The following STK4 variants were observed in gnomAD, a reference collection of about 807,000 sequenced individuals.
The protein encoded by STK4 is serine/threonine kinase 4.
STK4 carries 30 observed loss-of-function variants against 64.9 expected under a neutral mutation model. The observed-to-expected ratio is 0.46, with a 90% CI of 0.35 to 0.63. STK4 has a LOEUF of 0.63. Ranked by LOEUF, STK4 falls within the 20% of genes least tolerant of loss-of-function variation. STK4 has a pLI of 0.01. For synonymous variants in STK4, 177 were observed against 199.0 expected (o/e 0.89, Z 0.93); for missense variants, 466 against 598.5 (o/e 0.78, Z 2.31).
At chr20:45,064,880 A>T (rs1218467940) in intron 10 of STK4, among the ~76,000 whole-genome samples, 5 of 152,142 alleles carry the variant, frequency 3.3e-5, no homozygotes, top group Non-Finnish European at 5.9e-5. Context: ...CTATGTATAG[A>T]ATTATATTGT....
chr20:44,980,039 A>G (rs1449715541), intron 3 of STK4, among the ~76,000 whole-genome samples: 2 of 152,220 alleles, frequency 1.3e-5, no homozygotes, highest in Non-Finnish European at 2.9e-5. Context: ...TAAGGAATAC[A>G]GTGAAATACA....
chr20:45,017,214 C>T (rs1249763212), intron 9 of STK4, among the ~76,000 whole-genome samples: 3 of 152,144 alleles, frequency 2.0e-5, no homozygotes, highest in African/African-American at 7.2e-5. Context: ...GGGAAGATGA[C>T]ATTTGTCATT....
Position 44,966,619 on chromosome 20 carries a change from C to T in STK4, c.35+16C>T. On this transcript the variant is annotated intron_variant, in intron 1 of 10. Transcript: ENST00000372806. ...CGCCGCGCCGGTGAGGGGCCACTGGCTAAGAGGACGGGCATGGGGTCAGGG... is the reference window on the plus strand; with the variant it reads ...CGCCGCGCCGGTGAGGGGCCACTGGTTAAGAGGACGGGCATGGGGTCAGGG... 1 of 1,273,578 alleles carries T rather than the reference C, an allele frequency of 7.9e-7. No individual in the cohort carries two copies. The highest frequency in any genetic ancestry group is 1.0e-6 in the Non-Finnish European group (1 of 1,001,402). The allele number at this position is 1,273,578 out of a possible 1,614,324, so 78.9% of individuals were successfully genotyped here.
intron 5 of STK4, among the ~76,000 whole-genome samples, chr20:44,988,570 TATCC>T (rs2067578841): frequency 6.9e-6 from 1 of 145,240 alleles, no homozygotes; most frequent in African/African-American, 2.6e-5. Context: ...TATATATATG[TATCC>T]ATTCCATTTA....
chr20:45,020,743 G>C (rs953672474), intron 9 of STK4, among the ~76,000 whole-genome samples: 1 of 151,812 alleles, frequency 6.6e-6, no homozygotes, highest in African/African-American at 2.4e-5. Context: ...GTTGACTTGG[G>C]CCTCTCCACG....
chr20:45,033,119 G>A (rs1005208297), intron 10 of STK4, among the ~76,000 whole-genome samples: 1 of 151,978 alleles, frequency 6.6e-6, no homozygotes, highest in Admixed American at 6.6e-5. Flanking sequence ...TAATGAGGTC[G>A]TTTGCTTTTT....
In STK4 at chr20:45,062,843, ATTTTTTT is replaced by A. The variant is rs35335969; in HGVS notation, c.1306-12161_1306-12155del. Among the ~76,000 whole-genome samples the A allele has an allele frequency of 6.2e-4, 66 of 106,328 alleles. 1 individual carries two copies. Among genetic ancestry groups the A allele is most frequent in the Admixed American group, 5.4e-3 (55 of 10,220 alleles). 69.8% of individuals were successfully genotyped at this position (106,328 alleles called of 152,430 possible). ...CAGGCGCCCACCACCACGCCCGGCTATTTTTTTTTTTTTTTTTTTTGTATTTTTAGTA... is the reference window on the plus strand; with the variant it reads ...CAGGCGCCCACCACCACGCCCGGCTATTTTTTTTTTTTTGTATTTTTAGTA... On this transcript the variant is annotated intron_variant, in intron 10 of 10. Coordinates refer to ENST00000372806, the MANE Select transcript of STK4 (RefSeq NM_006282.5).
At chr20:45,032,458 GT>G (rs1244521427) in intron 10 of STK4, among the ~76,000 whole-genome samples, 1 of 152,050 alleles carries the variant, frequency 6.6e-6, no homozygotes, top group Non-Finnish European at 1.5e-5. Context: ...GATTTCTATT[GT>G]TCTGTTCTTT....
rs2068211307 is a variant in STK4 at position 45,019,828 on chromosome 20, G to C, written c.1148-5145G>C. Among the ~76,000 whole-genome samples, 3 of 152,104 alleles carry C rather than the reference G, an allele frequency of 2.0e-5. No individual in the cohort carries two copies. The South Asian group carries it at 6.2e-4, about 32-fold the overall frequency. On this transcript the variant is annotated intron_variant, in intron 9 of 10. Transcript: ENST00000372806. Reference sequence around the variant, plus strand: ...ACCCACAAGCTAGCTGAAGCCCTGGGGGACAGCATGGCCTTTAATCAGCTT... The same window carrying C: ...ACCCACAAGCTAGCTGAAGCCCTGGCGGACAGCATGGCCTTTAATCAGCTT...
chr20:45,050,999 T>C (rs1302576795), intron 10 of STK4, among the ~76,000 whole-genome samples: 1 of 152,254 alleles, frequency 6.6e-6, no homozygotes, highest in Non-Finnish European at 1.5e-5. Flanking sequence ...TAATTTAGAA[T>C]TACCAAATCT....
chr20:45,011,729 A>ATATATATATATATATATATATTT (rs60170856), intron 9 of STK4, among the ~76,000 whole-genome samples: 2 of 115,386 alleles, frequency 1.7e-5, no homozygotes, highest in African/African-American at 3.6e-5. Flanking sequence ...ATATATATAT[A>ATATATATATATATATATATATTT]TTTTTTTTTT....
chr20:45,030,561 G>C lies in STK4; in HGVS notation c.1305+5431G>C, dbSNP rs577633164. Among the ~76,000 whole-genome samples, 4 of 152,254 alleles carry C rather than the reference G, an allele frequency of 2.6e-5. No homozygotes were observed. In the South Asian group the frequency reaches 8.3e-4, roughly 32 times the overall value. On this transcript the variant is annotated intron_variant, in intron 10 of 10. Transcript: ENST00000372806. ...GGAAGTAATTTAATCAGGAGTAGCC[G>C]AATTTTGTACTGACAAAACTTCATA...
At chr20:45,073,862 T>C (rs1258270956) in intron 10 of STK4, among the ~76,000 whole-genome samples, 1 of 152,222 alleles carries the variant, frequency 6.6e-6, no homozygotes, top group South Asian at 2.1e-4. Context: ...CAGCAGGTAC[T>C]GTGCTGAGAA....
Position 45,075,326 on chromosome 20 carries a change from C to T in STK4, c.*150C>T, listed in dbSNP as rs1418944354. On this transcript the variant is annotated 3_prime_UTR_variant, in exon 11 of 11. Coordinates refer to ENST00000372806, the MANE Select transcript of STK4 (RefSeq NM_006282.5). ...GGAATGTGCGCCAGTGGGAAGGGCT[C>T]TCTTGACAGTCAGCGTGCCATCTTG... The T allele has an allele frequency of 4.1e-6, 4 of 984,352 alleles. No individual in the cohort carries two copies. Among genetic ancestry groups the T allele is most frequent in the African/African-American group, 3.3e-5 (2 of 61,250 alleles). The allele number at this position is 984,352 out of a possible 1,614,324, so 61.0% of individuals were successfully genotyped here. A position where few individuals can be genotyped will look rare whatever the true frequency, so the allele number is the denominator to read the frequency against.
chr20:45,067,209 G>A (rs1047962152), intron 10 of STK4, among the ~76,000 whole-genome samples: 2 of 151,906 alleles, frequency 1.3e-5, no homozygotes, highest in African/African-American at 4.8e-5. Flanking sequence ...AGCTTCTATC[G>A]AGCTTCCCTG....
chr20:45,053,103 G>A (rs1452325801), intron 10 of STK4: 1 of 1,612,494 alleles, frequency 6.2e-7, no homozygotes, highest in East Asian at 2.2e-5. Flanking sequence ...GCCAAGAACA[G>A]CAGTCTGGAA....
intron 10 of STK4, among the ~76,000 whole-genome samples, chr20:45,046,623 A>G (rs553166418): frequency 6.0e-4 from 89 of 147,816 alleles, no homozygotes; most frequent in African/African-American, 2.1e-3. Context: ...TCTGTTATCT[A>G]TTGTCTAATC....
chr20:45,017,151 G>A (rs964528833), intron 9 of STK4, among the ~76,000 whole-genome samples: 2 of 152,162 alleles, frequency 1.3e-5, no homozygotes, highest in Non-Finnish European at 2.9e-5. Flanking sequence ...AACATGTAGA[G>A]TATGAAAACC....
At chr20:44,985,382 G>GT (rs1474716382) in intron 4 of STK4, among the ~76,000 whole-genome samples, 1 of 152,092 alleles carries the variant, frequency 6.6e-6, no homozygotes, top group South Asian at 2.1e-4. Context: ...GAGTCTGGCT[G>GT]TGTCACTCAG....
Sources: allele counts gnomAD v4.1 joint callset (sites outside exome capture counted in the v4.1 genomes callset), GRCh38; gene constraint gnomAD v4.1.1; transcripts MANE v1.5; gene names NCBI Gene and HGNC (gene_info 2026-07-23, HGNC 2026-07-21).